CACNA1H: variants seen among roughly 807,000 people sequenced by gnomAD.
CACNA1H encodes the protein voltage-dependent T-type calcium channel subunit alpha-1H.
A neutral mutation model predicts 192.5 loss-of-function variants in CACNA1H; 149 were observed. That is an observed-to-expected ratio of 0.77 (90% CI 0.68 to 0.89). The LOEUF (loss-of-function observed/expected upper bound fraction) is 0.89, where lower values mean the gene tolerates loss of function less well. CACNA1H is among the 40% of genes least tolerant of loss of function. The probability of loss-of-function intolerance (pLI) is 0.00; values close to 1 mark genes in which losing one functional copy is unlikely to be tolerated. For missense variants in CACNA1H, 4,257 were observed against 3,423.5 expected, an observed-to-expected ratio of 1.24 and a Z score of -6.08; for synonymous variants, 2,202 against 1,475.2, an observed-to-expected ratio of 1.49 and a Z score of -11.29.
chr16:1,197,772 C>T (rs181870703), intron 5 of CACNA1H, among the ~76,000 whole-genome samples: 5 of 152,350 alleles, frequency 3.3e-5, no homozygotes, highest in East Asian at 3.9e-4. Flanking sequence ...TGGGTGAGAA[C>T]TCAGCGTCCC....
In CACNA1H at chr16:1,200,292, G is replaced by A. The variant is rs1175613021; in HGVS notation, c.840G>A (p.Gln280=). The A allele has an allele frequency of 1.2e-5, 19 of 1,605,664 alleles. No individual in the cohort carries two copies. Among genetic ancestry groups the A allele is most frequent in the Non-Finnish European group, 1.5e-5 (18 of 1,176,392 alleles). The change falls in exon 7 of 35, where the codon CAG becomes CAA. Residue 280 remains glutamine (Q), a synonymous_variant. Coordinates refer to ENST00000348261, the MANE Select transcript of CACNA1H (RefSeq NM_021098.3). Reference sequence around the variant, plus strand: ...TGACCTTCCTGCGGCCGTACTACCAGACGGAGGAGGGCGAGGAGAACCCGT... The same window carrying A: ...TGACCTTCCTGCGGCCGTACTACCAAACGGAGGAGGGCGAGGAGAACCCGT... ...NNLTFLRPYY[Q]TEEGEENPFI...
chr16:1,176,001 G>A (rs1964847865), intron 2 of CACNA1H, among the ~76,000 whole-genome samples: 1 of 152,206 alleles, frequency 6.6e-6, no homozygotes, highest in Admixed American at 6.5e-5. Context: ...CATCCTGGTG[G>A]CTGCTGGGTC....
At chr16:1,174,191 G>A (rs528728282) in intron 2 of CACNA1H, among the ~76,000 whole-genome samples, 46 of 152,222 alleles carry the variant, frequency 3.0e-4, no homozygotes, top group Admixed American at 9.1e-4. Flanking sequence ...AGGTCCTGGC[G>A]GCCTCAGTTT....
intron 2 of CACNA1H, among the ~76,000 whole-genome samples, chr16:1,172,891 G>A (rs186078916): frequency 6.6e-5 from 10 of 152,162 alleles, no homozygotes; most frequent in East Asian, 5.8e-4. Context: ...GGACAGCCCC[G>A]TGGGGACTCT....
chr16:1,169,927 G>C (rs1195575234), intron 2 of CACNA1H, among the ~76,000 whole-genome samples: 1 of 152,258 alleles, frequency 6.6e-6, no homozygotes, highest in Non-Finnish European at 1.5e-5. Context: ...GGCGGCTGGG[G>C]TGTTTTTCTG....
At chr16:1,165,642 G>A (rs139407243) in intron 2 of CACNA1H, among the ~76,000 whole-genome samples, 144 of 152,248 alleles carry the variant, frequency 9.5e-4, no homozygotes, top group African/African-American at 3.2e-3. Flanking sequence ...GCACAGCTGC[G>A]TCCCCCCGAG....
At chr16:1,190,218 G>A (rs11860510) in intron 2 of CACNA1H, among the ~76,000 whole-genome samples, 203 of 152,322 alleles carry the variant, frequency 1.3e-3, no homozygotes, top group African/African-American at 4.7e-3. Context: ...GGCTGTTCCC[G>A]GCTACGTTGG....
At position 1,218,423 on chromosome 16, in the gene CACNA1H, G is replaced by A. The variant is rs1165459914; in HGVS notation, c.5659G>A (p.Gly1887Ser). ...CGAGATCGAGCTGGAGATGGCGCAGGGCCCCGGGAGTGCACGCCGGGTGGA... is the reference window on the plus strand; with the variant it reads ...CGAGATCGAGCTGGAGATGGCGCAGAGCCCCGGGAGTGCACGCCGGGTGGA... ...DAEIELEMAQ[G>S]PGSARRVDAD... Residue 1887 changes from glycine to serine, a missense_variant, in exon 33 of 35, where the codon GGC (glycine) becomes AGC (serine). Gly to Ser is a moderately conservative substitution (Grantham distance 56). Transcript: ENST00000348261. 1.3e-6 allele frequency: 2 copies of A among 1,553,912 alleles called. No homozygotes were observed. The highest frequency in any genetic ancestry group is 4.9e-5 in the East Asian group (2 of 41,106).
chr16:1,156,618 T>C (rs1962435824), intron 2 of CACNA1H, among the ~76,000 whole-genome samples: 1 of 152,058 alleles, frequency 6.6e-6, no homozygotes, highest in Non-Finnish European at 1.5e-5. Flanking sequence ...CTCCCCTCCC[T>C]CCGCAGGGCC....
At chr16:1,181,277 C>T (rs1224724909) in intron 2 of CACNA1H, among the ~76,000 whole-genome samples, 1 of 152,246 alleles carries the variant, frequency 6.6e-6, no homozygotes, top group Non-Finnish European at 1.5e-5. Flanking sequence ...GAGCTCTCAC[C>T]CGGCATGGCC....
chr16:1,216,997 G>A lies in CACNA1H; in HGVS notation c.5310G>A (p.Leu1770=). 1 of 1,595,702 alleles carries A rather than the reference G, an allele frequency of 6.3e-7. No individual in the cohort carries two copies. The highest frequency in any genetic ancestry group is 8.5e-7 in the Non-Finnish European group (1 of 1,171,204). Residue 1770 remains leucine, a synonymous_variant, in exon 31 of 35, where the codon CTG becomes CTA. Coordinates refer to ENST00000348261, the MANE Select transcript of CACNA1H (RefSeq NM_021098.3). ...TCTATGCTGCGCTGGGAGTGGAGCTGTTCGGGAGGCTGGGTGAGTGGCTCC... is the reference window on the plus strand; with the variant it reads ...TCTATGCTGCGCTGGGAGTGGAGCTATTCGGGAGGCTGGGTGAGTGGCTCC... ...FFIYAALGVE[L]FGRLECSEDN... is the part of the protein sequence containing the mutation.
Position 1,214,980 on chromosome 16 carries a change from C to A in CACNA1H, c.4938C>A (p.Asp1646Glu). ...CGACCCTCCACCCCCAGTCGCTGGA[C>A]GAGGCCCTCAAGTACTGCAACTACG... Reference protein sequence around the residue: ...MEHYNQPKSLDEALKYCNYVF... With the variant: ...MEHYNQPKSLEEALKYCNYVF... Residue 1646 changes from aspartate to glutamate, a missense_variant, in exon 28 of 35, where the codon GAC (aspartate) becomes GAA (glutamate). Coordinates refer to ENST00000348261, the MANE Select transcript of CACNA1H (RefSeq NM_021098.3). The A allele has an allele frequency of 3.7e-6, 6 of 1,607,202 alleles. No individual in the cohort carries two copies. Among genetic ancestry groups the A allele is most frequent in the Non-Finnish European group, 5.1e-6 (6 of 1,176,712 alleles).
intron 2 of CACNA1H, among the ~76,000 whole-genome samples, chr16:1,178,376 A>AC (rs1190653819): frequency 8.2e-6 from 1 of 121,690 alleles, no homozygotes; most frequent in Non-Finnish European, 1.7e-5. Context: ...GTCCTAACCC[A>AC]CCCCCGAGTC....
intron 28 of CACNA1H, 76 bp downstream of exon 28, chr16:1,215,157 G>A: frequency 6.3e-7 from 1 of 1,579,788 alleles, no homozygotes; most frequent in Non-Finnish European, 8.6e-7. Flanking sequence ...GAGGCCGCAG[G>A]CTTTCCCACG....
rs749678010 is a variant in CACNA1H, at chr16:1,218,221, C to T, written c.5457C>T (p.Arg1819=). Residue 1819 remains arginine (R), a synonymous_variant, in exon 33 of 35, where the codon CGC becomes CGT. Coordinates refer to ENST00000348261, the MANE Select transcript of CACNA1H (RefSeq NM_021098.3). Reference sequence around the variant, plus strand: ...GTCCCCCACCGCAGGACACGCTGCGCGAGTGCTCCCGTGAGGACAAGCACT... The same window carrying T: ...GTCCCCCACCGCAGGACACGCTGCGTGAGTGCTCCCGTGAGGACAAGCACT... ...NWNGIMKDTL[R]ECSREDKHCL... The T allele has an allele frequency of 2.5e-5, 39 of 1,549,398 alleles. No homozygotes were observed. The African/African-American group carries it at 3.1e-4, about 13-fold the overall frequency.
chr16:1,214,195 G>A (rs1340132143), intron 27 of CACNA1H, among the ~76,000 whole-genome samples: 1 of 152,208 alleles, frequency 6.6e-6, no homozygotes, highest in Non-Finnish European at 1.5e-5. Flanking sequence ...CCAAGGAGGG[G>A]CTGGCAGGAC....
chr16:1,170,485 G>A (rs1432916581), intron 2 of CACNA1H, among the ~76,000 whole-genome samples: 1 of 152,184 alleles, frequency 6.6e-6, no homozygotes. Context: ...GGAGGAGATG[G>A]ACCGTGAACA....
At chr16:1,200,126 A>T (rs1452907956) in intron 6 of CACNA1H, 130 bp from the exon 7 acceptor site, 4 of 732,460 alleles carry the variant, frequency 5.5e-6, no homozygotes, top group Non-Finnish European at 8.9e-6. Context: ...CCTAACCATG[A>T]TTAGTCCACT....
intron 2 of CACNA1H, among the ~76,000 whole-genome samples, chr16:1,187,010 CTT>C (rs1966136707): frequency 6.6e-6 from 1 of 152,354 alleles, no homozygotes; most frequent in Middle Eastern, 3.4e-3. Context: ...TCCTGGGTCT[CTT>C]GATGTGGGAC....
Sources: allele counts gnomAD v4.1 joint callset (sites outside exome capture counted in the v4.1 genomes callset), GRCh38; gene constraint gnomAD v4.1.1; transcripts MANE v1.5; gene names NCBI Gene and HGNC (gene_info 2026-07-23, HGNC 2026-07-21).